Variants in RORA observed in about 807,000 individuals in gnomAD.
RORA encodes RAR related orphan receptor A.
A neutral mutation model predicts 69.5 loss-of-function variants in RORA; 7 were observed. That is an observed-to-expected ratio of 0.10 (90% CI 0.06 to 0.19). The LOEUF (loss-of-function observed/expected upper bound fraction) is 0.19, where lower values mean the gene tolerates loss of function less well. RORA is among the 10% of genes least tolerant of loss of function. The pLI, the probability that RORA is intolerant of heterozygous loss-of-function variation, is 1.00. For missense variants in RORA, 457 were observed against 663.0 expected (o/e 0.69, Z 3.41); for synonymous variants, 261 against 240.8 (o/e 1.08, Z -0.78).
intron 1 of RORA, among the ~76,000 whole-genome samples, chr15:61,152,644 G>T (rs2079407434): frequency 6.6e-6 from 1 of 152,086 alleles, no homozygotes. Context: ...GTGAACAAGA[G>T]ATCTTTCTGC....
Position 60,511,014 on chromosome 15 carries a change from T to G in RORA, c.820+212A>C, listed in dbSNP as rs2065679973. On this transcript the variant is annotated intron_variant, in intron 5 of 10. Coordinates refer to ENST00000335670, the MANE Select transcript of RORA (RefSeq NM_134261.3). The surrounding 1 kb of genome is among the most constrained non-coding windows in gnomAD (Gnocchi z 6.4). ...ACTGCTTCCGTTGGTTTTGCCCCAT[T>G]TCTAATGCTGAGAGGTCAATGCATG... Among the ~76,000 whole-genome samples, 1 of 152,196 alleles carries G rather than the reference T, an allele frequency of 6.6e-6. No individual in the cohort carries two copies. Among genetic ancestry groups the G allele is most frequent in the Non-Finnish European group, 1.5e-5 (1 of 68,036 alleles).
At chr15:60,512,500 T>G (rs1335103374) in intron 4 of RORA, among the ~76,000 whole-genome samples, 1 of 152,142 alleles carries the variant, frequency 6.6e-6, no homozygotes, top group African/African-American at 2.4e-5. Flanking sequence ...TTGCCCTGGC[T>G]TGAGGTCTGG....
chr15:60,981,802 C>T (rs1894051518), intron 1 of RORA, among the ~76,000 whole-genome samples: 1 of 150,076 alleles, frequency 6.7e-6, no homozygotes, highest in Non-Finnish European at 1.5e-5. Flanking sequence ...TTTTCACTTT[C>T]TCACTTTCTC....
intron 1 of RORA, among the ~76,000 whole-genome samples, chr15:60,737,470 G>C (rs972536091): frequency 2.6e-5 from 4 of 152,152 alleles, no homozygotes; most frequent in Non-Finnish European, 5.9e-5. Context: ...GGCAGTACCT[G>C]GGAACTAGGT....
chr15:60,504,099 T>G (rs1379922179), intron 6 of RORA, among the ~76,000 whole-genome samples: 1 of 151,662 alleles, frequency 6.6e-6, no homozygotes, highest in Non-Finnish European at 1.5e-5. Context: ...CCGTGCCCGG[T>G]CTGGATCTTC....
intron 2 of RORA, among the ~76,000 whole-genome samples, chr15:60,553,840 C>A (rs140407526): frequency 6.6e-5 from 10 of 152,264 alleles, no homozygotes; most frequent in Admixed American, 1.3e-4. Flanking sequence ...CAATATATGG[C>A]CCCTAGAAGC....
At chr15:60,844,334 C>T (rs1275372288) in intron 1 of RORA, among the ~76,000 whole-genome samples, 1 of 152,188 alleles carries the variant, frequency 6.6e-6, no homozygotes, top group East Asian at 1.9e-4. Flanking sequence ...CTACTTTAAA[C>T]TACACAGAAA....
At chr15:60,556,621 T>C (rs1024793636) in intron 2 of RORA, among the ~76,000 whole-genome samples, 2 of 152,214 alleles carry the variant, frequency 1.3e-5, no homozygotes, top group African/African-American at 4.8e-5. Context: ...AATGTGCCTG[T>C]GGACCATAAC....
At chr15:60,728,232 CATT>C (rs1302425050) in intron 1 of RORA, among the ~76,000 whole-genome samples, 1 of 152,200 alleles carries the variant, frequency 6.6e-6, no homozygotes, top group Non-Finnish European at 1.5e-5. Context: ...AATCAGGTCT[CATT>C]ATGTCACCCA....
intron 3 of RORA, among the ~76,000 whole-genome samples, chr15:60,526,467 T>A (rs1361142049): frequency 1.3e-5 from 2 of 152,188 alleles, no homozygotes; most frequent in Non-Finnish European, 2.9e-5. Context: ...TACTGGGACA[T>A]GATTAAGATC....
At chr15:60,974,897 C>T (rs12912233) in intron 1 of RORA, among the ~76,000 whole-genome samples, 57,249 of 152,112 alleles carry the variant, frequency 0.38, 11,536 homozygotes, top group Non-Finnish European at 0.45. Context: ...CTTTCCTAGG[C>T]GTTGAAAAGA....
At chr15:60,716,202 C>T (rs2071217005) in intron 1 of RORA, among the ~76,000 whole-genome samples, 1 of 152,188 alleles carries the variant, frequency 6.6e-6, no homozygotes, top group Non-Finnish European at 1.5e-5. Flanking sequence ...AGATTCTAGA[C>T]CAAGCCCACT....
chr15:60,842,268 T>G (rs2073209025), intron 1 of RORA, among the ~76,000 whole-genome samples: 1 of 152,274 alleles, frequency 6.6e-6, no homozygotes, highest in Admixed American at 6.5e-5. Context: ...AACAGCAATT[T>G]ATTTAATATC....
chr15:61,061,793 TG>T lies in RORA; in HGVS notation c.166+167259del, dbSNP rs2078190262. Among the ~76,000 whole-genome samples, 1 of 152,168 alleles carries T rather than the reference TG, an allele frequency of 6.6e-6. No individual in the cohort carries two copies. The highest frequency in any genetic ancestry group is 6.5e-5 in the Admixed American group (1 of 15,282). On this transcript the variant is annotated intron_variant, in intron 1 of 10. Coordinates refer to ENST00000335670, the MANE Select transcript of RORA (RefSeq NM_134261.3). This position sits in a 1 kb window ranked among gnomAD's most constrained non-coding sequence, Gnocchi z 4.4. ...TAAATGTTAGTAAGGCCGGGCACGG[TG>T]GTTCACGCCTGTAACCCCAGCACTT...
At chr15:60,543,277 C>T (rs530951348) in intron 2 of RORA, among the ~76,000 whole-genome samples, 10 of 141,374 alleles carry the variant, frequency 7.1e-5, no homozygotes, top group Non-Finnish European at 1.4e-4. Context: ...TTTGCAAAAT[C>T]TAGAGTCTGG....
intron 1 of RORA, among the ~76,000 whole-genome samples, chr15:60,714,199 G>A (rs1207447147): frequency 6.7e-6 from 1 of 148,598 alleles, no homozygotes; most frequent in Non-Finnish European, 1.5e-5. Context: ...GATTACAGGT[G>A]CATGCCACCA....
chr15:60,749,841 A>G (rs1053153966), intron 1 of RORA, among the ~76,000 whole-genome samples: 1 of 152,170 alleles, frequency 6.6e-6, no homozygotes, highest in Non-Finnish European at 1.5e-5. Context: ...CAGCCTGGAC[A>G]ACATAGTGAG....
intron 1 of RORA, among the ~76,000 whole-genome samples, chr15:60,845,544 T>C (rs1201301453): frequency 1.3e-5 from 2 of 152,204 alleles, no homozygotes; most frequent in Admixed American, 6.5e-5. Flanking sequence ...TTACAGGCTC[T>C]AAAACTTGCT....
chr15:60,738,742 T>C (rs893015342), intron 1 of RORA, among the ~76,000 whole-genome samples: 3 of 152,230 alleles, frequency 2.0e-5, no homozygotes, highest in African/African-American at 7.2e-5. Context: ...TTCCACTCAC[T>C]GGTGGCTTAC....
Sources: allele counts gnomAD v4.1 joint callset (sites outside exome capture counted in the v4.1 genomes callset), GRCh38; gene constraint gnomAD v4.1.1; non-coding constraint Gnocchi (gnomAD v3.1); transcripts MANE v1.5; gene names NCBI Gene and HGNC (gene_info 2026-07-23, HGNC 2026-07-21).